Variants in CUL1 observed in about 807,000 individuals in gnomAD.
The protein encoded by CUL1 is cullin-1.
CUL1 carries 24 observed loss-of-function variants against 118.0 expected under a neutral mutation model. The ratio of observed to expected loss-of-function variants is 0.20; its 90% CI spans 0.15 to 0.29. CUL1 has a LOEUF of 0.29. Among genes scored for constraint, CUL1 ranks in the 10% least tolerant of loss-of-function variants. The probability of loss-of-function intolerance (pLI) is 1.00; values close to 1 mark genes in which losing one functional copy is unlikely to be tolerated. For missense variants in CUL1, 361 were observed against 933.8 expected (o/e 0.39, Z 7.99); for synonymous variants, 332 against 340.4 (o/e 0.98, Z 0.27).
intron 1 of CUL1, among the ~76,000 whole-genome samples, chr7:148,711,720 T>G (rs1453562172): frequency 6.6e-6 from 1 of 152,248 alleles, no homozygotes; most frequent in African/African-American, 2.4e-5. Flanking sequence ...AATAGATTCA[T>G]GTTCACTTAG....
At chr7:148,708,605 T>G (rs1174814139) in intron 1 of CUL1, among the ~76,000 whole-genome samples, 1 of 152,232 alleles carries the variant, frequency 6.6e-6, no homozygotes, top group Non-Finnish European at 1.5e-5. Context: ...GGCTCTGCTC[T>G]TTGTCTTTGC....
At position 148,788,648 on chromosome 7, in the gene CUL1, A is replaced by G; in HGVS notation, c.1571A>G (p.His524Arg). ...GATCTGAACGAGCAATTCAAAAAGC[A>G]CTTGACAAACTCAGAACCCCTAGAC... is the stretch of plus-strand genomic sequence containing the variant. ...SKDLNEQFKK[H>R]LTNSEPLDLD... is the part of the protein sequence containing the mutation. The change falls in exon 14 of 22, where the codon CAC becomes CGC. Residue 524 changes from histidine (H) to arginine (R), a missense_variant. Transcript: ENST00000325222. 3 of 1,613,442 alleles carry G rather than the reference A, an allele frequency of 1.9e-6. 1 individual carries two copies. In the South Asian group the frequency reaches 3.3e-5, roughly 18 times the overall value.
At chr7:148,776,216 C>T (rs750691740) in intron 9 of CUL1, among the ~76,000 whole-genome samples, 2 of 151,368 alleles carry the variant, frequency 1.3e-5, no homozygotes, top group Non-Finnish European at 2.9e-5. Context: ...TGAGATGCCT[C>T]CTGTCCAGGA....
At chr7:148,774,185 G>A (rs998272856) in intron 9 of CUL1, among the ~76,000 whole-genome samples, 1 of 152,208 alleles carries the variant, frequency 6.6e-6, no homozygotes, top group Non-Finnish European at 1.5e-5. Context: ...CCTCGAAATC[G>A]TTGTAGTCAG....
chr7:148,723,680 A>G (rs895728219), intron 1 of CUL1, among the ~76,000 whole-genome samples: 2 of 151,796 alleles, frequency 1.3e-5, no homozygotes, highest in African/African-American at 2.4e-5. Context: ...AAAAAGAGGT[A>G]TATTTCATTA....
intron 9 of CUL1, among the ~76,000 whole-genome samples, chr7:148,771,741 A>G (rs1800220247): frequency 6.6e-6 from 1 of 152,200 alleles, no homozygotes; most frequent in South Asian, 2.1e-4. Context: ...TGAGCAAGGG[A>G]TAGGAGAAAT....
At chr7:148,773,081 A>G (rs1444901805) in intron 9 of CUL1, among the ~76,000 whole-genome samples, 1 of 152,156 alleles carries the variant, frequency 6.6e-6, no homozygotes, top group African/African-American at 2.4e-5. Context: ...CCCTCATGAT[A>G]ATTAGCAGTT....
At chr7:148,774,296 T>G (rs1343058463) in intron 9 of CUL1, among the ~76,000 whole-genome samples, 1 of 152,146 alleles carries the variant, frequency 6.6e-6, no homozygotes, top group Non-Finnish European at 1.5e-5. Flanking sequence ...GAGGATACTT[T>G]CTCCAGTGGC....
chr7:148,793,981 C>A (rs545674705), intron 17 of CUL1, among the ~76,000 whole-genome samples: 3 of 152,140 alleles, frequency 2.0e-5, no homozygotes, highest in African/African-American at 7.2e-5. Context: ...TTTTGACTTG[C>A]ATTTCTCTAA....
intron 4 of CUL1, 135 bp from the exon 5 acceptor site, chr7:148,759,169 C>T: frequency 1.3e-6 from 1 of 760,722 alleles, no homozygotes; most frequent in Non-Finnish European, 2.2e-6. Flanking sequence ...CTGCTTTTGT[C>T]CTGATAGCAG....
At chr7:148,723,623 AG>A (rs1798465495) in intron 1 of CUL1, among the ~76,000 whole-genome samples, 1 of 151,836 alleles carries the variant, frequency 6.6e-6, no homozygotes, top group Non-Finnish European at 1.5e-5. Flanking sequence ...GCTTTTTGTT[AG>A]GTACTGTTAT....
chr7:148,789,994 G>A (rs1032096036), intron 15 of CUL1, among the ~76,000 whole-genome samples, 168 bp downstream of exon 15: 2 of 152,222 alleles, frequency 1.3e-5, no homozygotes, highest in African/African-American at 4.8e-5. Context: ...AGTGGGGCAG[G>A]TCTGGATGTC....
chr7:148,701,068 C>T (rs879639623), intron 1 of CUL1, among the ~76,000 whole-genome samples: 1 of 152,144 alleles, frequency 6.6e-6, no homozygotes, highest in Non-Finnish European at 1.5e-5. Flanking sequence ...GTGAATTCCT[C>T]CAGCGCAGGA....
chr7:148,744,331 CCTT>C (rs1487026972), intron 2 of CUL1, among the ~76,000 whole-genome samples: 1 of 150,972 alleles, frequency 6.6e-6, no homozygotes, highest in Non-Finnish European at 1.5e-5. Context: ...TGCTTTCCAC[CCTT>C]CTTTAGGATT....
In CUL1 at chr7:148,784,166, AC is replaced by A; in HGVS notation, c.1298+90del. 8 of 1,050,682 alleles carry A rather than the reference AC, an allele frequency of 7.6e-6. No individual in the cohort carries two copies. The South Asian group carries it at 9.8e-5, about 13-fold the overall frequency. The allele number at this position is 1,050,682 out of a possible 1,614,324, so 65.1% of individuals were successfully genotyped here. A position where few individuals can be genotyped will look rare whatever the true frequency, so the allele number is the denominator to read the frequency against. ...TTAAAACCTACATTACATTTTACAT[AC>A]ATTAAATTGGAATTTTTGTACCTTA... On this transcript the variant is annotated intron_variant, in intron 11 of 21. Transcript: ENST00000325222.
chr7:148,779,433 G>C (rs1206127573), intron 9 of CUL1, among the ~76,000 whole-genome samples: 2 of 152,114 alleles, frequency 1.3e-5, no homozygotes, highest in Admixed American at 1.3e-4. Context: ...TTCAGAGAAA[G>C]CATCCCTGAA....
At position 148,731,843 on chromosome 7, in the gene CUL1, C is replaced by T. The variant is rs375214163; in HGVS notation, c.140+1581C>T. ...ATGCTTGGAGGCTTCATCCTTGTAG[C>T]GCGTATCACTGTGTACGTCATTCCT... On this transcript the variant is annotated intron_variant, in intron 2 of 21. Coordinates refer to ENST00000325222, the MANE Select transcript of CUL1 (RefSeq NM_003592.3). 7.2e-5 allele frequency among the ~76,000 whole-genome samples: 11 copies of T among 152,182 alleles called. No homozygotes were observed. In the East Asian group the frequency reaches 9.6e-4, roughly 13 times the overall value.
At chr7:148,726,640 A>T (rs1798594422) in intron 1 of CUL1, among the ~76,000 whole-genome samples, 1 of 152,132 alleles carries the variant, frequency 6.6e-6, no homozygotes, top group Admixed American at 6.5e-5. Flanking sequence ...TGGTCCTGCT[A>T]CTTTGTAGCA....
chr7:148,723,454 T>C lies in CUL1; in HGVS notation c.-161-6508T>C, dbSNP rs546318076. ...CTGCCCTCCTGTAGAGCTGTTCCTC[T>C]CTGATGTTTGCTGTCTTGGTAGATG... On this transcript the variant is annotated intron_variant, in intron 1 of 21. Coordinates refer to ENST00000325222, the MANE Select transcript of CUL1 (RefSeq NM_003592.3). 4.6e-5 allele frequency among the ~76,000 whole-genome samples: 7 copies of C among 152,328 alleles called. 1 individual carries two copies. The highest frequency in any genetic ancestry group is 1.7e-4 in the African/African-American group (7 of 41,562).
Sources: allele counts gnomAD v4.1 joint callset (sites outside exome capture counted in the v4.1 genomes callset), GRCh38; gene constraint gnomAD v4.1.1; transcripts MANE v1.5; gene names NCBI Gene and HGNC (gene_info 2026-07-23, HGNC 2026-07-21).